The following VEPH1 variants were observed in gnomAD, a reference collection of about 807,000 sequenced individuals.
VEPH1 encodes the protein ventricular zone-expressed PH domain-containing protein homolog 1.
In VEPH1, 80 loss-of-function variants were observed where a neutral mutation model predicts 85.2. That is an observed-to-expected ratio of 0.94 (90% CI 0.78 to 1.13). VEPH1 has a LOEUF of 1.13. Among genes scored for constraint, VEPH1 ranks in the 50% most tolerant of loss-of-function variants. VEPH1 has a pLI of 0.00. For missense variants in VEPH1, 955 were observed against 980.5 expected, an observed-to-expected ratio of 0.97 and a Z score of 0.35; for synonymous variants, 297 against 348.0, an observed-to-expected ratio of 0.85 and a Z score of 1.63.
chr3:157,411,139 T>C (rs553723012), intron 6 of VEPH1, among the ~76,000 whole-genome samples: 1 of 152,288 alleles, frequency 6.6e-6, no homozygotes, highest in Non-Finnish European at 1.5e-5. Flanking sequence ...CAGTGTCATC[T>C]TGGACCATGA....
At chr3:157,312,467 T>C (rs911576860) in intron 11 of VEPH1, among the ~76,000 whole-genome samples, 1 of 105,166 alleles carries the variant, frequency 9.5e-6, no homozygotes, top group Non-Finnish European at 1.9e-5. Flanking sequence ...GAAGCCCACA[T>C]TGGTATTTAA....
At chr3:157,398,143 A>T (rs958214490) in intron 6 of VEPH1, among the ~76,000 whole-genome samples, 5 of 152,268 alleles carry the variant, frequency 3.3e-5, no homozygotes, top group African/African-American at 1.2e-4. Flanking sequence ...TTGTGTTCTC[A>T]CAACCTGCTC....
chr3:157,367,724 T>C (rs1310937419), intron 7 of VEPH1, among the ~76,000 whole-genome samples: 2 of 152,206 alleles, frequency 1.3e-5, no homozygotes, highest in Non-Finnish European at 2.9e-5. Flanking sequence ...TTTTCCAGGC[T>C]GGCCTCAAAC....
At chr3:157,401,919 C>T (rs750037135) in intron 6 of VEPH1, among the ~76,000 whole-genome samples, 1 of 152,114 alleles carries the variant, frequency 6.6e-6, no homozygotes, top group Non-Finnish European at 1.5e-5. Flanking sequence ...ATATGCTTGC[C>T]TGGAGAAAAC....
At chr3:157,276,664 C>T (rs1025006192) in intron 12 of VEPH1, among the ~76,000 whole-genome samples, 1 of 152,090 alleles carries the variant, frequency 6.6e-6, no homozygotes, top group African/African-American at 2.4e-5. Flanking sequence ...AATAGGGTTA[C>T]AGAAAAAATG....
intron 11 of VEPH1, among the ~76,000 whole-genome samples, chr3:157,304,038 T>TATATATATATATATATATATACACACAC: frequency 1.9e-3 from 181 of 96,872 alleles, no homozygotes; most frequent in African/African-American, 5.0e-3. Context: ...TATATATATA[T>TATATATATATATATATATATACACACAC]ACACACATAC....
At chr3:157,263,397 T>C (rs1023862868) in intron 13 of VEPH1, among the ~76,000 whole-genome samples, 2 of 152,182 alleles carry the variant, frequency 1.3e-5, no homozygotes, top group Non-Finnish European at 2.9e-5. Context: ...AATCAGAAAG[T>C]ATAAAGGTCA....
chr3:157,342,478 T>C (rs1431005930), intron 9 of VEPH1, among the ~76,000 whole-genome samples: 1 of 152,228 alleles, frequency 6.6e-6, no homozygotes, highest in African/African-American at 2.4e-5. Flanking sequence ...AAGAGCTAAC[T>C]ATCCTAAATA....
chr3:157,441,384 A>G (rs527549618), intron 4 of VEPH1, among the ~76,000 whole-genome samples: 14 of 152,252 alleles, frequency 9.2e-5, no homozygotes, highest in Non-Finnish European at 2.1e-4. Flanking sequence ...CAAAATGATT[A>G]GAACAGTATC....
chr3:157,260,557 A>G lies in VEPH1; in HGVS notation c.*577T>C, dbSNP rs972601793. On this transcript the variant is annotated 3_prime_UTR_variant, in exon 14 of 14. Transcript: ENST00000362010. ...TTCTGAAAGACAAGTATTTAATGAC[A>G]TAACTGGCTTGATTTGGGAACCATT... 3 of 152,218 alleles carry G rather than the reference A, an allele frequency of 2.0e-5. No homozygotes were observed. The highest frequency in any genetic ancestry group is 4.4e-5 in the Non-Finnish European group (3 of 68,048). The allele number at this position is 152,218 out of a possible 1,614,324, so 9.4% of individuals were successfully genotyped here. A position where few individuals can be genotyped will look rare whatever the true frequency, so the allele number is the denominator to read the frequency against.
Position 157,355,083 on chromosome 3 carries a change from C to G in VEPH1, c.1735+8281G>C, listed in dbSNP as rs116761540. On this transcript the variant is annotated intron_variant, in intron 9 of 13. Coordinates refer to ENST00000362010, the MANE Select transcript of VEPH1 (RefSeq NM_001167912.2). ...GTTCTCTTCAGCTCCCACACCTCTA[C>G]TTACTCTTCACATTTCTCAAGAGTT... Among the ~76,000 whole-genome samples, 1,510 of 152,300 alleles carry G rather than the reference C, an allele frequency of 9.9e-3. 22 individuals carry two copies. Among genetic ancestry groups the G allele is most frequent in the African/African-American group, 0.035 (1,454 of 41,564 alleles).
At chr3:157,263,785 C>T (rs113406235) in intron 13 of VEPH1, among the ~76,000 whole-genome samples, 10 of 152,222 alleles carry the variant, frequency 6.6e-5, no homozygotes, top group South Asian at 2.1e-4. Context: ...TCAGAATACA[C>T]GATACTTGAT....
intron 6 of VEPH1, among the ~76,000 whole-genome samples, chr3:157,397,162 C>T (rs1419062127): frequency 2.0e-5 from 3 of 152,188 alleles, no homozygotes; most frequent in African/African-American, 7.2e-5. Context: ...AGCCACTTCT[C>T]CCAGCACCAT....
At chr3:157,315,911 GGTC>G (rs1239738444) in intron 10 of VEPH1, 1 of 151,744 alleles carries the variant, frequency 6.6e-6, no homozygotes, top group East Asian at 1.9e-4. Flanking sequence ...AGAAAAATAA[GGTC>G]GTTATTTCAA....
intron 12 of VEPH1, among the ~76,000 whole-genome samples, chr3:157,271,674 C>T (rs1357336842): frequency 6.6e-6 from 1 of 152,046 alleles, no homozygotes; most frequent in Non-Finnish European, 1.5e-5. Context: ...ACTGGTGTCC[C>T]CAGTGGTGGA....
chr3:157,437,755 C>A lies in VEPH1; in HGVS notation c.530-9267G>T, dbSNP rs984026408. On this transcript the variant is annotated intron_variant, in intron 4 of 13. Coordinates refer to ENST00000362010, the MANE Select transcript of VEPH1 (RefSeq NM_001167912.2). ...TCTGGACGAGCTGCTGCAGGCGACC[C>A]GCGACGCGGGCCGCAGGCTGGCGCG... 2.7e-6 allele frequency: 4 copies of A among 1,489,110 alleles called. No homozygotes were observed. The African/African-American group carries it at 5.9e-5, about 22-fold the overall frequency. 92.2% of individuals were successfully genotyped at this position (1,489,110 alleles called of 1,614,324 possible).
chr3:157,495,899 A>T (rs770797986), intron 1 of VEPH1, among the ~76,000 whole-genome samples: 1 of 152,214 alleles, frequency 6.6e-6, no homozygotes, highest in Non-Finnish European at 1.5e-5. Context: ...GGAGCATAGG[A>T]AACATCTCCT....
intron 6 of VEPH1, among the ~76,000 whole-genome samples, chr3:157,404,156 G>A (rs1730980333): frequency 6.6e-6 from 1 of 152,060 alleles, no homozygotes; most frequent in South Asian, 2.1e-4. Flanking sequence ...AGACACTGAT[G>A]GTCAGCCAAG....
intron 7 of VEPH1, among the ~76,000 whole-genome samples, chr3:157,369,198 A>AAAAAC (rs1553773139): frequency 2.6e-4 from 38 of 148,260 alleles, no homozygotes; most frequent in African/African-American, 8.6e-4. Context: ...AAAAAAAAAA[A>AAAAAC]AAAAAACCTC....
Sources: allele counts gnomAD v4.1 joint callset (sites outside exome capture counted in the v4.1 genomes callset), GRCh38; gene constraint gnomAD v4.1.1; transcripts MANE v1.5; gene names NCBI Gene and HGNC (gene_info 2026-07-23, HGNC 2026-07-21).